Variants in LRMDA observed in about 807,000 individuals in gnomAD.
The protein encoded by LRMDA is leucine rich melanocyte differentiation associated, also known as leucine-rich melanocyte differentiation-associated protein.
LRMDA carries 18 observed loss-of-function variants against 29.8 expected under a neutral mutation model. The observed-to-expected ratio is 0.60, with a 90% CI of 0.42 to 0.90. The LOEUF (loss-of-function observed/expected upper bound fraction) is 0.90, where lower values mean the gene tolerates loss of function less well. LRMDA is among the 40% of genes least tolerant of loss of function. The probability of loss-of-function intolerance (pLI) is 0.00; values close to 1 mark genes in which losing one functional copy is unlikely to be tolerated. For missense variants in LRMDA, 273 were observed against 273.9 expected (o/e 1.00, Z 0.02); for synonymous variants, 125 against 109.4 (o/e 1.14, Z -0.89).
intron 2 of LRMDA, among the ~76,000 whole-genome samples, chr10:75,839,700 CTTTTTTTTTTTTT>C (rs1160178913): frequency 1.6e-4 from 13 of 82,796 alleles, no homozygotes; most frequent in Middle Eastern, 0.015. Context: ...ATCCGACTTT[CTTTTTTTTTTTTT>C]TTTTTTTTTT....
chr10:76,466,248 G>A (rs1315536567), intron 6 of LRMDA, among the ~76,000 whole-genome samples: 1 of 152,186 alleles, frequency 6.6e-6, no homozygotes, highest in Admixed American at 6.5e-5. Context: ...CCAGAACTCT[G>A]AGGGGCAGAG....
chr10:75,777,061 G>C (rs889522181), intron 2 of LRMDA, among the ~76,000 whole-genome samples: 5 of 152,230 alleles, frequency 3.3e-5, no homozygotes, highest in African/African-American at 1.2e-4. Flanking sequence ...AACCTTGAGT[G>C]GGGAGCCGGG....
At chr10:76,136,125 C>T (rs1400446418) in intron 5 of LRMDA, among the ~76,000 whole-genome samples, 1 of 152,062 alleles carries the variant, frequency 6.6e-6, no homozygotes, top group Non-Finnish European at 1.5e-5. Context: ...CTTGAACTTC[C>T]TTGGAAAAGG....
rs543106344 is a variant in LRMDA, at chr10:75,925,438, T to G, written c.132-110570T>G. ...TCTGGGGGGGTTGGAATATGGCAGT[T>G]TATTGTACAGAAATATTTTGTGTAT... On this transcript the variant is annotated intron_variant, in intron 2 of 6. Transcript: ENST00000611255. Among the ~76,000 whole-genome samples the G allele has an allele frequency of 8.5e-4, 130 of 152,242 alleles. 1 individual carries two copies. In the Middle Eastern group the frequency reaches 0.01, roughly 12 times the overall value.
intron 2 of LRMDA, among the ~76,000 whole-genome samples, chr10:75,631,723 T>C (rs1481841134): frequency 1.3e-5 from 2 of 152,154 alleles, no homozygotes; most frequent in Non-Finnish European, 2.9e-5. Flanking sequence ...CTTCTTTGAC[T>C]CGAAGTGACA....
At chr10:76,486,705 CTG>C (rs1842785878) in intron 6 of LRMDA, among the ~76,000 whole-genome samples, 1 of 151,840 alleles carries the variant, frequency 6.6e-6, no homozygotes, top group African/African-American at 2.4e-5. Context: ...AAAGAGAAAA[CTG>C]ATGGATACCA....
At chr10:75,849,455 G>T (rs769408922) in intron 2 of LRMDA, among the ~76,000 whole-genome samples, 2 of 152,072 alleles carry the variant, frequency 1.3e-5, no homozygotes, top group Admixed American at 6.6e-5. Context: ...CCTTTGAGGG[G>T]ACATGGATGG....
intron 5 of LRMDA, among the ~76,000 whole-genome samples, chr10:76,313,993 T>G (rs938027826): frequency 2.0e-5 from 3 of 152,206 alleles, no homozygotes; most frequent in African/African-American, 7.2e-5. Flanking sequence ...TAATAGTTTT[T>G]GAATATTGGA....
intron 2 of LRMDA, among the ~76,000 whole-genome samples, chr10:75,514,084 T>C (rs547422951): frequency 6.6e-6 from 1 of 152,178 alleles, no homozygotes; most frequent in Non-Finnish European, 1.5e-5. Context: ...GGGTATTTCT[T>C]TGTTCTCCAG....
At chr10:75,585,922 A>C (rs1840650004) in intron 2 of LRMDA, among the ~76,000 whole-genome samples, 1 of 152,178 alleles carries the variant, frequency 6.6e-6, no homozygotes. Flanking sequence ...GGAATCATGC[A>C]GTCTTCTTTT....
intron 6 of LRMDA, among the ~76,000 whole-genome samples, chr10:76,423,807 C>T (rs531061034): frequency 3.9e-5 from 6 of 152,214 alleles, no homozygotes; most frequent in South Asian, 2.1e-4. Context: ...CCTAATCAAC[C>T]GAGGAGGTGT....
chr10:76,307,467 C>G (rs780748641), intron 5 of LRMDA, among the ~76,000 whole-genome samples: 41 of 152,142 alleles, frequency 2.7e-4, no homozygotes, highest in Non-Finnish European at 5.4e-4. Flanking sequence ...CTTTTGGCCT[C>G]TTTGGTGTCC....
chr10:75,460,097 G>T (rs551857170), intron 2 of LRMDA, among the ~76,000 whole-genome samples: 16 of 152,296 alleles, frequency 1.1e-4, no homozygotes, highest in African/African-American at 3.8e-4. Context: ...GGGTTTGAGT[G>T]TGCAATATTT....
At chr10:75,582,977 A>G (rs796137666) in intron 2 of LRMDA, among the ~76,000 whole-genome samples, 2 of 152,352 alleles carry the variant, frequency 1.3e-5, no homozygotes, top group African/African-American at 2.4e-5. Flanking sequence ...CACAAAAGCA[A>G]CTGCTCCAGT....
chr10:75,535,770 A>C (rs1839937642), intron 2 of LRMDA, among the ~76,000 whole-genome samples: 1 of 152,302 alleles, frequency 6.6e-6, no homozygotes, highest in South Asian at 2.1e-4. Flanking sequence ...CATCTTTACA[A>C]CTGGAACTGC....
rs966695532 is a variant in LRMDA at position 76,128,709 on chromosome 10, T to C, written c.516+69926T>C. Among the ~76,000 whole-genome samples the C allele has an allele frequency of 4.6e-5, 7 of 152,322 alleles. No homozygotes were observed. The South Asian group carries it at 1.5e-3, about 32-fold the overall frequency. ...ATGCCCAAAGACTCTAGACTGGCCT[T>C]GGAGCAGTCCCTGGGCATAGCATGC... On this transcript the variant is annotated intron_variant, in intron 5 of 6. Coordinates refer to ENST00000611255, the MANE Select transcript of LRMDA (RefSeq NM_001305581.2).
At chr10:75,728,037 A>G (rs370059116) in intron 2 of LRMDA, among the ~76,000 whole-genome samples, 1 of 152,164 alleles carries the variant, frequency 6.6e-6, no homozygotes, top group East Asian at 1.9e-4. Flanking sequence ...TCATTATTTC[A>G]TTTAGTTTTC....
chr10:76,201,079 T>G (rs1490507512), intron 5 of LRMDA, among the ~76,000 whole-genome samples: 1 of 116,542 alleles, frequency 8.6e-6, no homozygotes, highest in South Asian at 2.8e-4. Flanking sequence ...TTTTATTTAT[T>G]TATTTATTTA....
chr10:75,455,749 C>T (rs753509279), intron 2 of LRMDA, among the ~76,000 whole-genome samples: 3 of 152,224 alleles, frequency 2.0e-5, no homozygotes, highest in Non-Finnish European at 4.4e-5. Context: ...TAGAGGTTCT[C>T]ATGCCCAAGA....
Sources: gnomAD v4.1 joint callset for allele counts (sites outside exome capture counted in the v4.1 genomes callset) on GRCh38, gnomAD v4.1.1 for gene constraint, MANE v1.5 for transcripts, NCBI Gene and HGNC (gene_info 2026-07-23, HGNC 2026-07-21) for gene names.